The following DPYD variants were observed in gnomAD, a reference collection of about 807,000 sequenced individuals.
DPYD encodes dihydropyrimidine dehydrogenase [NADP(+)].
A neutral mutation model predicts 116.2 loss-of-function variants in DPYD; 109 were observed. The observed-to-expected ratio is 0.94, with a 90% CI of 0.80 to 1.10. The LOEUF (loss-of-function observed/expected upper bound fraction) is 1.10. Ranked by LOEUF, DPYD falls within the 50% of genes least tolerant of loss-of-function variation. The probability of loss-of-function intolerance (pLI) is 0.00; values close to 1 mark genes in which losing one functional copy is unlikely to be tolerated. For synonymous variants in DPYD, 440 were observed against 432.0 expected, an observed-to-expected ratio of 1.02 and a Z score of -0.23; for missense variants, 1,302 against 1,254.5, an observed-to-expected ratio of 1.04 and a Z score of -0.57.
At chr1:97,287,409 C>G (rs1558000778) in intron 18 of DPYD, among the ~76,000 whole-genome samples, 1 of 152,172 alleles carries the variant, frequency 6.6e-6, no homozygotes, top group Non-Finnish European at 1.5e-5. Context: ...CAGTCTGCCC[C>G]TTCTCAGATC....
chr1:97,848,777 A>G (rs758689012), intron 2 of DPYD, among the ~76,000 whole-genome samples: 3 of 152,200 alleles, frequency 2.0e-5, no homozygotes, highest in African/African-American at 2.4e-5. Flanking sequence ...AAGCTCAAAT[A>G]AAGAACAAAG....
intron 8 of DPYD, among the ~76,000 whole-genome samples, chr1:97,606,770 T>TGGA (rs1335817770): frequency 6.6e-6 from 1 of 151,836 alleles, no homozygotes; most frequent in African/African-American, 2.4e-5. Flanking sequence ...TTGCAGAAAA[T>TGGA]AAGAATGGAA....
At chr1:97,274,546 T>C (rs1228718143) in intron 18 of DPYD, among the ~76,000 whole-genome samples, 3 of 152,164 alleles carry the variant, frequency 2.0e-5, no homozygotes, top group African/African-American at 7.2e-5. Flanking sequence ...CTTTATAAAT[T>C]ACCCAGCCTT....
At chr1:97,178,002 T>G (rs72965889) in intron 20 of DPYD, among the ~76,000 whole-genome samples, 1 of 152,102 alleles carries the variant, frequency 6.6e-6, no homozygotes, top group Non-Finnish European at 1.5e-5. Flanking sequence ...AGGACGCTAA[T>G]TTTATTGCCT....
At chr1:97,650,793 T>G (rs913398156) in intron 8 of DPYD, among the ~76,000 whole-genome samples, 1 of 152,070 alleles carries the variant, frequency 6.6e-6, no homozygotes, top group Non-Finnish European at 1.5e-5. Context: ...TACTTGTTCC[T>G]TGAAAAAAAT....
chr1:97,301,583 C>G (rs1269162400), intron 18 of DPYD, among the ~76,000 whole-genome samples: 1 of 151,838 alleles, frequency 6.6e-6, no homozygotes, highest in Non-Finnish European at 1.5e-5. Context: ...ATTCATTCCC[C>G]ATTAATAAAA....
chr1:97,591,693 T>C (rs886528016), intron 10 of DPYD, among the ~76,000 whole-genome samples: 1 of 152,208 alleles, frequency 6.6e-6, no homozygotes, highest in Non-Finnish European at 1.5e-5. Flanking sequence ...AAGTCACCTT[T>C]GGTAATGAAA....
At chr1:97,344,553 C>T (rs1669745225) in intron 16 of DPYD, among the ~76,000 whole-genome samples, 1 of 151,418 alleles carries the variant, frequency 6.6e-6, no homozygotes, top group Non-Finnish European at 1.5e-5. Flanking sequence ...TTTTAACATT[C>T]AATTTTTTTC....
At chr1:97,862,461 C>A (rs1333207729) in intron 2 of DPYD, among the ~76,000 whole-genome samples, 1 of 151,568 alleles carries the variant, frequency 6.6e-6, no homozygotes, top group East Asian at 1.9e-4. Flanking sequence ...AATATACTAC[C>A]CAAGTATGAC....
chr1:97,584,358 G>A (rs938722703), intron 10 of DPYD, among the ~76,000 whole-genome samples: 8 of 151,948 alleles, frequency 5.3e-5, no homozygotes, highest in Non-Finnish European at 7.4e-5. Context: ...CATTCTGTAG[G>A]TTGCCTGTTC....
intron 3 of DPYD, among the ~76,000 whole-genome samples, chr1:97,741,879 G>A (rs577528594): frequency 6.6e-5 from 10 of 152,164 alleles, no homozygotes; most frequent in Admixed American, 5.2e-4. Context: ...CTTCTTGGGA[G>A]GAATAATATT....
chr1:97,850,977 T>C (rs911614710), intron 2 of DPYD, among the ~76,000 whole-genome samples: 1 of 152,026 alleles, frequency 6.6e-6, no homozygotes, highest in Non-Finnish European at 1.5e-5. Context: ...GTTTCTTAAA[T>C]TGTCTATGTA....
At chr1:97,490,531 T>G (rs1180897809) in intron 13 of DPYD, among the ~76,000 whole-genome samples, 1 of 148,582 alleles carries the variant, frequency 6.7e-6, no homozygotes, top group African/African-American at 2.4e-5. Context: ...GTATTATTCA[T>G]ATTTAGAGGC....
chr1:97,229,098 G>T (rs1661396006), intron 19 of DPYD, among the ~76,000 whole-genome samples: 1 of 151,494 alleles, frequency 6.6e-6, no homozygotes, highest in Non-Finnish European at 1.5e-5. Flanking sequence ...CAGCTACTTG[G>T]GAGGCTGAGG....
chr1:97,626,501 A>T (rs908076500), intron 8 of DPYD, among the ~76,000 whole-genome samples: 1 of 152,068 alleles, frequency 6.6e-6, no homozygotes, highest in Non-Finnish European at 1.5e-5. Context: ...CATTTCCTCC[A>T]AAAGGAGGCA....
At chr1:97,514,361 A>G (rs1648042880) in intron 13 of DPYD, 2 of 548,802 alleles carry the variant, frequency 3.6e-6, no homozygotes, top group Non-Finnish European at 2.3e-6. Flanking sequence ...TTTTTCAGCT[A>G]TAATTCTTCA....
chr1:97,273,047 G>A (rs897784386), intron 18 of DPYD, among the ~76,000 whole-genome samples: 9 of 152,028 alleles, frequency 5.9e-5, no homozygotes, highest in African/African-American at 1.9e-4. Context: ...GGCATTTTAC[G>A]GGTGTTACTA....
intron 14 of DPYD, among the ~76,000 whole-genome samples, chr1:97,449,354 TGAG>T (rs1280540382): frequency 6.6e-6 from 1 of 150,508 alleles, no homozygotes; most frequent in East Asian, 2.0e-4. Flanking sequence ...GACAGAGAAT[TGAG>T]GAGGAGGGAG....
intron 8 of DPYD, among the ~76,000 whole-genome samples, chr1:97,648,616 C>A (rs940029791): frequency 6.6e-6 from 1 of 151,854 alleles, no homozygotes; most frequent in Non-Finnish European, 1.5e-5. Context: ...TATAAAGACA[C>A]GCAGTTTTAT....
Sources: allele counts gnomAD v4.1 joint callset (sites outside exome capture counted in the v4.1 genomes callset), GRCh38; gene constraint gnomAD v4.1.1; transcripts MANE v1.5; gene names NCBI Gene and HGNC (gene_info 2026-07-23, HGNC 2026-07-21).